Variants in FBH1 observed in about 807,000 individuals in gnomAD.
FBH1 encodes the protein F-box DNA helicase 1, also known as DNA 3'-5' helicase 1.
In FBH1, 43 loss-of-function variants were observed where a neutral mutation model predicts 115.5. That is an observed-to-expected ratio of 0.37 (90% confidence interval 0.29 to 0.48). FBH1 has a LOEUF of 0.48. Ranked by LOEUF, FBH1 falls within the 20% of genes least tolerant of loss-of-function variation. The pLI is 0.99. For missense variants in FBH1, 1,001 were observed against 1,337.3 expected (o/e 0.75, Z 3.92); for synonymous variants, 524 against 507.8 (o/e 1.03, Z -0.43).
In FBH1 at chr10:5,924,214, C is replaced by T; in HGVS notation, c.2399-97C>T. Reference sequence around the variant, plus strand: ...AACCCGGGTCTCCCCACTTTAAGACCATCTGCTCTTGCGCAGCTGCTTAGG... The same window carrying T: ...AACCCGGGTCTCCCCACTTTAAGACTATCTGCTCTTGCGCAGCTGCTTAGG... On this transcript the variant is annotated intron_variant, in intron 16 of 20. Transcript: ENST00000362091. This position sits in a 1 kb window ranked among gnomAD's most constrained non-coding sequence, Gnocchi z 6.2. 1 of 1,222,494 alleles carries T rather than the reference C, an allele frequency of 8.2e-7. No homozygotes were observed. Among genetic ancestry groups the T allele is most frequent in the Non-Finnish European group, 1.2e-6 (1 of 854,536 alleles). The allele number at this position is 1,222,494 out of a possible 1,614,324, so 75.7% of individuals were successfully genotyped here. A position where few individuals can be genotyped will look rare whatever the true frequency, so the allele number is the denominator to read the frequency against.
Position 5,924,572 on chromosome 10 carries a change from C to CTTT in FBH1, c.2596+75_2596+77dup. The CTTT allele has an allele frequency of 1.3e-5, 16 of 1,250,322 alleles. No individual in the cohort carries two copies. The highest frequency in any genetic ancestry group is 1.7e-5 in the Non-Finnish European group (15 of 906,938). 77.5% of individuals were successfully genotyped at this position (1,250,322 alleles called of 1,614,324 possible). A position where few individuals can be genotyped will look rare whatever the true frequency, so the allele number is the denominator to read the frequency against. On this transcript the variant is annotated intron_variant, in intron 17 of 20. Coordinates refer to ENST00000362091, the MANE Select transcript of FBH1 (RefSeq NM_178150.3). This position sits in a 1 kb window ranked among gnomAD's most constrained non-coding sequence, Gnocchi z 6.2. ...GAGGAACAGATGGTCTTCTGCTGTT[C>CTTT]TTTTTTTTTTTTTGAGACAGAGTAT... is the stretch of plus-strand genomic sequence containing the variant.
At chr10:5,908,566 G>T (rs1843866495) in intron 3 of FBH1, among the ~76,000 whole-genome samples, 1 of 151,358 alleles carries the variant, frequency 6.6e-6, no homozygotes, top group Non-Finnish European at 1.5e-5. Context: ...CTGGTAAAAG[G>T]TTATCTATGT....
At chr10:5,920,298 C>T (rs76713178) in intron 13 of FBH1, among the ~76,000 whole-genome samples, 5,362 of 152,316 alleles carry the variant, frequency 0.035, 187 homozygotes, top group East Asian at 0.15. Context: ...TGTTGAGGTG[C>T]ATACTGTCAC....
chr10:5,933,972 C>A lies in FBH1; in HGVS notation c.2830-2484C>A, dbSNP rs980423166. 1.3e-5 allele frequency among the ~76,000 whole-genome samples: 2 copies of A among 152,182 alleles called. No homozygotes were observed. The highest frequency in any genetic ancestry group is 1.3e-4 in the Admixed American group (2 of 15,274). On this transcript the variant is annotated intron_variant, in intron 19 of 20. Coordinates refer to ENST00000362091, the MANE Select transcript of FBH1 (RefSeq NM_178150.3). The surrounding 1 kb of genome is among the most constrained non-coding windows in gnomAD (Gnocchi z 4.9). ...CAGCCTTTTTTGTTGTTGTTGATCA[C>A]AGCCTGTGAATAAATTTGGGGATAT...
chr10:5,921,373 A>G lies in FBH1; in HGVS notation c.2200+16A>G. 1.2e-6 allele frequency: 2 copies of G among 1,612,492 alleles called. No homozygotes were observed. Among genetic ancestry groups the G allele is most frequent in the Non-Finnish European group, 1.7e-6 (2 of 1,179,588 alleles). ...AACCATCAGAGTAAGGCTTTTAGTT[A>G]CTCTTCTCTTTTGTGTTACAAAAGT... On this transcript the variant is annotated intron_variant, in intron 14 of 20. Coordinates refer to ENST00000362091, the MANE Select transcript of FBH1 (RefSeq NM_178150.3). The surrounding 1 kb of genome is among the most constrained non-coding windows in gnomAD (Gnocchi z 6.4).
At position 5,931,255 on chromosome 10, in the gene FBH1, C is replaced by T. The variant is rs1439653064; in HGVS notation, c.2829+3714C>T. ...CTGCCATCTCAGCAGATACGCATTACCTTGCTTTGTTGCACAACGGCACCT... is the reference window on the plus strand; with the variant it reads ...CTGCCATCTCAGCAGATACGCATTATCTTGCTTTGTTGCACAACGGCACCT... On this transcript the variant is annotated intron_variant, in intron 19 of 20. Transcript: ENST00000362091. The surrounding 1 kb of genome is among the most constrained non-coding windows in gnomAD (Gnocchi z 4.3). Among the ~76,000 whole-genome samples, 2 of 152,212 alleles carry T rather than the reference C, an allele frequency of 1.3e-5. No individual in the cohort carries two copies. The highest frequency in any genetic ancestry group is 2.4e-5 in the African/African-American group (1 of 41,462).
At chr10:5,899,986 C>T (rs1374303152) in intron 1 of FBH1, among the ~76,000 whole-genome samples, 2 of 152,308 alleles carry the variant, frequency 1.3e-5, no homozygotes, top group East Asian at 1.9e-4. Flanking sequence ...TGGTCAGCAA[C>T]ATTACAGAAC....
intron 19 of FBH1, among the ~76,000 whole-genome samples, chr10:5,928,109 G>T (rs1256145107): frequency 6.7e-6 from 1 of 148,216 alleles, no homozygotes; most frequent in Non-Finnish European, 1.5e-5. Flanking sequence ...TACCAGCAGT[G>T]GTCATGTATT....
intron 13 of FBH1, among the ~76,000 whole-genome samples, chr10:5,919,063 C>T (rs1287274783): frequency 6.6e-6 from 1 of 152,196 alleles, no homozygotes; most frequent in African/African-American, 2.4e-5. Context: ...ACACAGGAAG[C>T]CAGCAGTCTT....
At chr10:5,905,820 C>G (rs1157574776) in intron 2 of FBH1, among the ~76,000 whole-genome samples, 1 of 152,198 alleles carries the variant, frequency 6.6e-6, no homozygotes, top group African/African-American at 2.4e-5. Flanking sequence ...AGACTGGTCT[C>G]TGTCTCTTTG....
intron 13 of FBH1, among the ~76,000 whole-genome samples, chr10:5,920,623 A>G (rs1011583569): frequency 6.6e-6 from 1 of 152,230 alleles, no homozygotes; most frequent in Non-Finnish European, 1.5e-5. Flanking sequence ...TTTTATAGCA[A>G]CAAAGTAGTG....
rs559587971 is a variant in FBH1 at position 5,914,526 on chromosome 10, G to A, written c.1396+257G>A. On this transcript the variant is annotated intron_variant, in intron 8 of 20. Coordinates refer to ENST00000362091, the MANE Select transcript of FBH1 (RefSeq NM_178150.3). This position sits in a 1 kb window ranked among gnomAD's most constrained non-coding sequence, Gnocchi z 5.2. ...TAGTTGGTCGGGCAGATGCCCCCGG[G>A]ATTGAGCCCAGCATTGTGATGTTTG... Among the ~76,000 whole-genome samples, 179 of 152,362 alleles carry A rather than the reference G, an allele frequency of 1.2e-3. No individual in the cohort carries two copies. Among genetic ancestry groups the A allele is most frequent in the Middle Eastern group, 3.4e-3 (1 of 294 alleles).
In FBH1 at chr10:5,897,220, C is replaced by T. The variant is rs368849611; in HGVS notation, c.2-5800C>T. 6.6e-6 allele frequency among the ~76,000 whole-genome samples: 1 copy of T among 152,186 alleles called. No homozygotes were observed. The highest frequency in any genetic ancestry group is 1.9e-4 in the East Asian group (1 of 5,194). Reference sequence around the variant, plus strand: ...GTACTTACATATATATTGTCTCATTCTCTGAATTCAGCATGGCAGGTTATT... The same window carrying T: ...GTACTTACATATATATTGTCTCATTTTCTGAATTCAGCATGGCAGGTTATT... On this transcript the variant is annotated intron_variant, in intron 1 of 20. Transcript: ENST00000362091. This position sits in a 1 kb window ranked among gnomAD's most constrained non-coding sequence, Gnocchi z 4.7.
At chr10:5,894,026 C>G (rs898099211) in intron 1 of FBH1, 8 of 985,264 alleles carry the variant, frequency 8.1e-6, no homozygotes, top group South Asian at 4.7e-5. Context: ...CTGTCATACA[C>G]GAGTGCTGTC....
At chr10:5,894,824 T>C (rs947733973) in intron 1 of FBH1, among the ~76,000 whole-genome samples, 3 of 152,248 alleles carry the variant, frequency 2.0e-5, no homozygotes, top group Non-Finnish European at 4.4e-5. Context: ...TACAGACTTA[T>C]ACAAATAATT....
At position 5,935,273 on chromosome 10, in the gene FBH1, A is replaced by G. The variant is rs1331739652; in HGVS notation, c.2830-1183A>G. 1 of 152,234 alleles carries G rather than the reference A, an allele frequency of 6.6e-6. No individual in the cohort carries two copies. Among genetic ancestry groups the G allele is most frequent in the African/African-American group, 2.4e-5 (1 of 41,456 alleles). 9.4% of individuals were successfully genotyped at this position (152,234 alleles called of 1,614,324 possible). A position where few individuals can be genotyped will look rare whatever the true frequency, so the allele number is the denominator to read the frequency against. On this transcript the variant is annotated intron_variant, in intron 19 of 20. Transcript: ENST00000362091. This position sits in a 1 kb window ranked among gnomAD's most constrained non-coding sequence, Gnocchi z 5.2. ...GGAAATAGTTTGGAAACAACCGAGT[A>G]ACCACAGCAAGGGAATGGGTAAATG...
At chr10:5,916,019 A>G (rs41290315) in intron 9 of FBH1, 42,260 of 568,112 alleles carry the variant, frequency 0.074, 1,854 homozygotes, top group Middle Eastern at 0.11. Flanking sequence ...GTCTGCCGAA[A>G]GCTGGTTCCT....
intron 2 of FBH1, chr10:5,905,287 G>C (rs1161654832): frequency 2.6e-5 from 4 of 152,260 alleles, no homozygotes; most frequent in Non-Finnish European, 5.9e-5. Flanking sequence ...GGGAGGCCGA[G>C]GTGAGTGGAT....
In FBH1 at chr10:5,924,771, G is replaced by A; in HGVS notation, c.2596+263G>A. 3 of 530,424 alleles carry A rather than the reference G, an allele frequency of 5.7e-6. No homozygotes were observed. Among genetic ancestry groups the A allele is most frequent in the Non-Finnish European group, 1.1e-5 (3 of 277,702 alleles). The allele number at this position is 530,424 out of a possible 1,614,324, so 32.9% of individuals were successfully genotyped here. ...TGTAGAGATGGAGTCTCACCATGTT[G>A]GCCAGGCTGGTCTCGAACTCCCAAC... On this transcript the variant is annotated intron_variant, in intron 17 of 20. Transcript: ENST00000362091. The surrounding 1 kb of genome is among the most constrained non-coding windows in gnomAD (Gnocchi z 6.2).
Sources: allele counts gnomAD v4.1 joint callset (sites outside exome capture counted in the v4.1 genomes callset), GRCh38; gene constraint gnomAD v4.1.1; non-coding constraint Gnocchi (gnomAD v3.1); transcripts MANE v1.5; gene names NCBI Gene and HGNC (gene_info 2026-07-23, HGNC 2026-07-21).